F13A1: variants seen among roughly 807,000 people sequenced by gnomAD.
F13A1 encodes coagulation factor XIII A chain, also known as FSF, A subunit.
A neutral mutation model predicts 80.1 loss-of-function variants in F13A1; 47 were observed. The ratio of observed to expected loss-of-function variants is 0.59; its 90% confidence interval spans 0.46 to 0.75. F13A1 has a LOEUF of 0.75. F13A1 is among the 30% of genes least tolerant of loss of function. The pLI, the probability that F13A1 is intolerant of heterozygous loss-of-function variation, is 0.00. For missense variants in F13A1, 817 were observed against 930.4 expected, an observed-to-expected ratio of 0.88 and a Z score of 1.59; for synonymous variants, 349 against 344.9, an observed-to-expected ratio of 1.01 and a Z score of -0.13.
intron 3 of F13A1, among the ~76,000 whole-genome samples, chr6:6,282,015 A>T (rs1247815563): frequency 7.4e-6 from 1 of 135,740 alleles, no homozygotes; most frequent in Admixed American, 7.3e-5. Flanking sequence ...AAAAAAAAAA[A>T]ATGTATGGAG....
intron 9 of F13A1, 80 bp downstream of exon 9, chr6:6,197,143 C>T: frequency 2.2e-6 from 3 of 1,370,768 alleles, no homozygotes; most frequent in South Asian, 2.4e-5. Context: ...GGGCGTGGTT[C>T]CCACACATCA....
intron 10 of F13A1, among the ~76,000 whole-genome samples, chr6:6,190,053 G>C (rs1035560160): frequency 6.6e-6 from 1 of 152,100 alleles, no homozygotes; most frequent in Non-Finnish European, 1.5e-5. Flanking sequence ...CGTAGGTCTT[G>C]AGCCTTGCTT....
Position 6,212,931 on chromosome 6 carries a change from G to A in F13A1, c.1112+9102C>T, listed in dbSNP as rs866127638. Among the ~76,000 whole-genome samples, 250 of 152,288 alleles carry A rather than the reference G, an allele frequency of 1.6e-3. 2 individuals carry two copies. The highest frequency in any genetic ancestry group is 2.2e-3 in the Non-Finnish European group (153 of 68,010). On this transcript the variant is annotated intron_variant, in intron 8 of 14. Transcript: ENST00000264870. ...ATCAACTGGAAGAAAGGGTATCAGC[G>A]ATGGAAGATGAAATGAATGAAATGA...
chr6:6,201,440 A>G (rs899674292), intron 8 of F13A1, among the ~76,000 whole-genome samples: 1 of 152,148 alleles, frequency 6.6e-6, no homozygotes, highest in Non-Finnish European at 1.5e-5. Context: ...GGCCTCCATC[A>G]ATGGGTGGAA....
intron 2 of F13A1, among the ~76,000 whole-genome samples, chr6:6,315,107 G>A (rs1758660105): frequency 6.6e-6 from 1 of 152,184 alleles, no homozygotes; most frequent in Admixed American, 6.5e-5. Context: ...TCCAATTACT[G>A]CTACAAATGG....
intron 4 of F13A1, among the ~76,000 whole-genome samples, chr6:6,253,158 AAAAAAGAG>A (rs1757656834): frequency 7.0e-6 from 1 of 143,418 alleles, no homozygotes. Context: ...AAAAAAAAAA[AAAAAAGAG>A]AGAGAGAGAG....
chr6:6,181,986 A>C lies in F13A1; in HGVS notation c.1459+2T>G, dbSNP rs1760996011. On this transcript the variant is annotated splice_donor_variant, in intron 11 of 14. Coordinates refer to ENST00000264870, the MANE Select transcript of F13A1 (RefSeq NM_000129.4). LOFTEE classifies it high-confidence loss of function. ...AATCTTCATTCAGTGGTAGTAAATT[A>C]CCTTCTTGGAATTTGTAAGTATCAG... is the stretch of plus-strand genomic sequence containing the variant. The C allele has an allele frequency of 1.2e-6, 2 of 1,614,150 alleles. No homozygotes were observed. Among genetic ancestry groups the C allele is most frequent in the Non-Finnish European group, 1.7e-6 (2 of 1,179,990 alleles).
intron 6 of F13A1, among the ~76,000 whole-genome samples, chr6:6,245,461 T>C (rs1561666591): frequency 6.6e-6 from 1 of 152,198 alleles, no homozygotes; most frequent in Non-Finnish European, 1.5e-5. Flanking sequence ...TGACCTCAGG[T>C]GATCTGCCCG....
At chr6:6,317,135 A>G (rs1758697236) in intron 2 of F13A1, among the ~76,000 whole-genome samples, 2 of 152,208 alleles carry the variant, frequency 1.3e-5, no homozygotes, top group African/African-American at 4.8e-5. Flanking sequence ...AAGATGGAAT[A>G]CACAAAGGCA....
intron 2 of F13A1, among the ~76,000 whole-genome samples, chr6:6,306,901 T>C (rs1230310583): frequency 3.9e-5 from 6 of 152,190 alleles, no homozygotes; most frequent in South Asian, 2.1e-4. Flanking sequence ...TTGTGTTCCA[T>C]AGTCAAAACC....
chr6:6,260,598 G>T (rs531664313), intron 4 of F13A1, among the ~76,000 whole-genome samples: 2 of 152,146 alleles, frequency 1.3e-5, no homozygotes, highest in Admixed American at 6.5e-5. Flanking sequence ...GTGTGTGTTG[G>T]GGGGAGCGGT....
intron 13 of F13A1, among the ~76,000 whole-genome samples, chr6:6,163,228 C>A (rs1457662067): frequency 1.3e-5 from 2 of 152,186 alleles, no homozygotes; most frequent in Non-Finnish European, 2.9e-5. Context: ...AGGGTGTGAG[C>A]GTTTTCTTAG....
intron 6 of F13A1, among the ~76,000 whole-genome samples, chr6:6,235,999 C>A (rs112040983): frequency 0.026 from 3,977 of 152,078 alleles, 181 homozygotes; most frequent in African/African-American, 0.09. Context: ...CAAAAAACAG[C>A]ATGGATGAAG....
intron 2 of F13A1, among the ~76,000 whole-genome samples, chr6:6,312,767 G>T (rs1448694860): frequency 6.6e-6 from 1 of 151,982 alleles, no homozygotes; most frequent in Non-Finnish European, 1.5e-5. Flanking sequence ...CTAAGAAGGG[G>T]AAGATTAAAA....
At position 6,169,792 on chromosome 6, in the gene F13A1, C is replaced by A. The variant is rs115202412; in HGVS notation, c.1748-2174G>T. Among the ~76,000 whole-genome samples, 769 of 152,248 alleles carry A rather than the reference C, an allele frequency of 5.1e-3. 6 individuals carry two copies. The highest frequency in any genetic ancestry group is 0.018 in the African/African-American group (744 of 41,536). On this transcript the variant is annotated intron_variant, in intron 12 of 14. Coordinates refer to ENST00000264870, the MANE Select transcript of F13A1 (RefSeq NM_000129.4). ...GCCCATAATGTCAATGGTGCTGAAA[C>A]CAAGAAACCCCGCATAGGGCAGGTG...
intron 4 of F13A1, among the ~76,000 whole-genome samples, chr6:6,264,651 GTCTA>G (rs1167736342): frequency 2.6e-5 from 4 of 152,064 alleles, no homozygotes; most frequent in Non-Finnish European, 5.9e-5. Flanking sequence ...CATTTCTGCT[GTCTA>G]TCTATGGTTA....
chr6:6,291,310 G>T (rs1197450737), intron 3 of F13A1, among the ~76,000 whole-genome samples: 1 of 151,350 alleles, frequency 6.6e-6, no homozygotes, highest in Admixed American at 6.6e-5. Flanking sequence ...ATTCTTCCTT[G>T]ACTGATTCTT....
chr6:6,223,036 A>G (rs1166880803), intron 7 of F13A1, among the ~76,000 whole-genome samples: 2 of 152,144 alleles, frequency 1.3e-5, no homozygotes, highest in Admixed American at 1.3e-4. Flanking sequence ...CAATAAAACG[A>G]TTGCCACTCT....
At chr6:6,205,794 A>C (rs1459211758) in intron 8 of F13A1, among the ~76,000 whole-genome samples, 1 of 152,132 alleles carries the variant, frequency 6.6e-6, no homozygotes, top group Non-Finnish European at 1.5e-5. Context: ...AACACAAGTT[A>C]TAAAACAAAA....
Sources: gnomAD v4.1 joint callset for allele counts (sites outside exome capture counted in the v4.1 genomes callset) on GRCh38, gnomAD v4.1.1 for gene constraint, MANE v1.5 for transcripts, NCBI Gene and HGNC (gene_info 2026-07-23, HGNC 2026-07-21) for gene names.